FSTL5: variants seen among roughly 807,000 people sequenced by gnomAD.
FSTL5 encodes the protein follistatin-related protein 5.
Under a neutral mutation model 89.1 loss-of-function variants are expected in FSTL5, and 62 were observed. The ratio of observed to expected loss-of-function variants is 0.70; its 90% CI spans 0.57 to 0.86. The LOEUF is 0.86. FSTL5 is among the 40% of genes least tolerant of loss of function. The pLI is 0.00. For missense variants in FSTL5, 1,057 were observed against 1,001.6 expected (o/e 1.06, Z -0.75); for synonymous variants, 383 against 346.2 (o/e 1.11, Z -1.18).
At chr4:161,592,735 C>T (rs1733867632) in intron 7 of FSTL5, among the ~76,000 whole-genome samples, 2 of 152,122 alleles carry the variant, frequency 1.3e-5, no homozygotes, top group African/African-American at 4.8e-5. Flanking sequence ...AATAAACATA[C>T]GTGAGCAAGT....
chr4:161,475,740 T>A (rs548216183), intron 13 of FSTL5, among the ~76,000 whole-genome samples: 101 of 152,020 alleles, frequency 6.6e-4, no homozygotes, highest in African/African-American at 2.3e-3. Context: ...CAGGAATACA[T>A]TCTGTTGATT....
chr4:161,498,681 T>G (rs1730180876), intron 12 of FSTL5, among the ~76,000 whole-genome samples: 1 of 152,210 alleles, frequency 6.6e-6, no homozygotes. Context: ...TATTTTGCTC[T>G]GATTTAAATA....
chr4:161,866,603 T>C (rs1229446945), intron 4 of FSTL5, among the ~76,000 whole-genome samples: 1 of 151,764 alleles, frequency 6.6e-6, no homozygotes, highest in Admixed American at 6.6e-5. Context: ...TTCAATATTT[T>C]AGCCCTCACA....
chr4:161,583,751 C>T (rs1026429625), intron 8 of FSTL5, among the ~76,000 whole-genome samples: 1 of 152,166 alleles, frequency 6.6e-6, no homozygotes, highest in Non-Finnish European at 1.5e-5. Flanking sequence ...CTTGACCTAA[C>T]TAGAAACATT....
At chr4:161,393,660 T>G (rs1730898374) in intron 15 of FSTL5, among the ~76,000 whole-genome samples, 1 of 152,306 alleles carries the variant, frequency 6.6e-6, no homozygotes, top group East Asian at 1.9e-4. Context: ...AAAGTGACTA[T>G]TTTCAGAGAA....
chr4:161,618,571 A>T (rs974413645), intron 7 of FSTL5, among the ~76,000 whole-genome samples: 119 of 151,928 alleles, frequency 7.8e-4, no homozygotes, highest in African/African-American at 2.8e-3. Flanking sequence ...TTCTGCATCT[A>T]TTGAGATAAT....
intron 4 of FSTL5, among the ~76,000 whole-genome samples, chr4:161,830,181 C>A (rs1187322308): frequency 1.3e-5 from 2 of 151,916 alleles, no homozygotes; most frequent in Non-Finnish European, 2.9e-5. Context: ...GTATACAAAA[C>A]AATTGGTCCA....
chr4:161,544,939 T>C (rs1219655376), intron 8 of FSTL5, among the ~76,000 whole-genome samples: 1 of 150,588 alleles, frequency 6.6e-6, no homozygotes, highest in South Asian at 2.1e-4. Flanking sequence ...AATCTGAAAC[T>C]TTTTTCAATT....
In FSTL5 at chr4:161,383,921, C is replaced by CT. The variant is rs1455653836; in HGVS notation, c.*1825dup. The CT allele has an allele frequency of 6.6e-6, 1 of 152,044 alleles. No homozygotes were observed. The highest frequency in any genetic ancestry group is 1.5e-5 in the Non-Finnish European group (1 of 67,988). 9.4% of individuals were successfully genotyped at this position (152,044 alleles called of 1,614,324 possible). A position where few individuals can be genotyped will look rare whatever the true frequency, so the allele number is the denominator to read the frequency against. On this transcript the variant is annotated 3_prime_UTR_variant, in exon 16 of 16. Transcript: ENST00000306100. Reference sequence around the variant, plus strand: ...GTTAAAATGTAAGAGGTTTATTCTCCTTTTATCAAGCAGTGTCTACAGACA... The same window carrying CT: ...GTTAAAATGTAAGAGGTTTATTCTCCTTTTTATCAAGCAGTGTCTACAGACA...
chr4:161,603,955 T>A (rs539702690), intron 7 of FSTL5, among the ~76,000 whole-genome samples: 1 of 151,712 alleles, frequency 6.6e-6, no homozygotes, highest in African/African-American at 2.4e-5. Flanking sequence ...TTGTAAAAAC[T>A]AATCAATCAA....
intron 4 of FSTL5, among the ~76,000 whole-genome samples, chr4:161,836,605 A>C (rs1042815789): frequency 3.3e-5 from 5 of 151,900 alleles, no homozygotes; most frequent in African/African-American, 1.2e-4. Flanking sequence ...TCTTTTAAGG[A>C]GTTTGGAGTG....
intron 9 of FSTL5, among the ~76,000 whole-genome samples, chr4:161,539,952 T>C (rs1731761610): frequency 6.6e-6 from 1 of 151,162 alleles, no homozygotes; most frequent in African/African-American, 2.4e-5. Flanking sequence ...TTAAATTCTC[T>C]GGGTTTTGTT....
At position 161,524,765 on chromosome 4, in the gene FSTL5, C is replaced by T. The variant is rs530564494; in HGVS notation, c.1312+13401G>A. 4.6e-5 allele frequency among the ~76,000 whole-genome samples: 7 copies of T among 152,198 alleles called. No homozygotes were observed. The East Asian group carries it at 1.4e-3, about 29-fold the overall frequency. The stretch of plus-strand genomic sequence containing the variant: ...ACGAGGTCAGGAGATCGAGACCATC[C>T]TGGCTAACATGGTGAAACCTTGTCT... On this transcript the variant is annotated intron_variant, in intron 10 of 15. Coordinates refer to ENST00000306100, the MANE Select transcript of FSTL5 (RefSeq NM_020116.5).
At chr4:161,563,037 C>T (rs57548940) in intron 8 of FSTL5, among the ~76,000 whole-genome samples, 71,149 of 151,704 alleles carry the variant, frequency 0.47, 16,930 homozygotes, top group Middle Eastern at 0.59. Context: ...TTAGCATCAA[C>T]ATGTGTGGGC....
intron 7 of FSTL5, among the ~76,000 whole-genome samples, chr4:161,639,814 T>G (rs1735884325): frequency 6.6e-6 from 1 of 152,140 alleles, no homozygotes; most frequent in Admixed American, 6.6e-5. Flanking sequence ...ATTGGGGATT[T>G]GTACTCTGAA....
At chr4:162,028,179 A>C (rs1456905944) in intron 3 of FSTL5, among the ~76,000 whole-genome samples, 1 of 152,208 alleles carries the variant, frequency 6.6e-6, no homozygotes, top group African/African-American at 2.4e-5. Flanking sequence ...ATAAGTATTG[A>C]GTATAATAGA....
chr4:161,995,208 A>T (rs2111089447), intron 3 of FSTL5, among the ~76,000 whole-genome samples: 1 of 152,330 alleles, frequency 6.6e-6, no homozygotes, highest in East Asian at 1.9e-4. Flanking sequence ...TAATGTTAAT[A>T]TAATAATGGT....
At chr4:162,029,319 C>T (rs775519752) in intron 3 of FSTL5, among the ~76,000 whole-genome samples, 12 of 151,952 alleles carry the variant, frequency 7.9e-5, no homozygotes, top group East Asian at 1.9e-4. Context: ...TTGCTTTATA[C>T]GAAGAACAAC....
chr4:161,821,375 T>C (rs1170921802), intron 4 of FSTL5, among the ~76,000 whole-genome samples: 1 of 152,168 alleles, frequency 6.6e-6, no homozygotes, highest in East Asian at 1.9e-4. Flanking sequence ...ACAAGTTACA[T>C]GGAGAAGATT....
Sources: allele counts gnomAD v4.1 joint callset (sites outside exome capture counted in the v4.1 genomes callset), GRCh38; gene constraint gnomAD v4.1.1; transcripts MANE v1.5; gene names NCBI Gene and HGNC (gene_info 2026-07-23, HGNC 2026-07-21).